Variants in C10orf143 observed in about 807,000 individuals in gnomAD.
C10orf143 encodes the protein chromosome 10 open reading frame 143.
chr10:130,075,089 G>GA (rs376065385), intron 3 of C10orf143, among the ~76,000 whole-genome samples: 26 of 146,354 alleles, frequency 1.8e-4, no homozygotes, highest in African/African-American at 3.5e-4. Context: ...TGCCCTCAAT[G>GA]AAAAAAAAAA....
intron 1 of C10orf143, among the ~76,000 whole-genome samples, chr10:130,099,813 G>A (rs367616543): frequency 1.1e-4 from 16 of 148,928 alleles, no homozygotes; most frequent in South Asian, 2.1e-4. Flanking sequence ...CAGCCACCAC[G>A]CTCAACCTAA....
chr10:130,103,270 C>T (rs566484794), intron 1 of C10orf143, among the ~76,000 whole-genome samples: 66 of 152,212 alleles, frequency 4.3e-4, no homozygotes, highest in Admixed American at 2.1e-3. Flanking sequence ...TGAGCTACCA[C>T]GCACAGCTGA....
At chr10:130,043,283 T>C (rs559311796) in intron 3 of C10orf143, among the ~76,000 whole-genome samples, 13 of 152,184 alleles carry the variant, frequency 8.5e-5, no homozygotes, top group Non-Finnish European at 1.9e-4. Flanking sequence ...AACATGCTGG[T>C]ATTCCTGGAA....
chr10:130,106,799 C>T (rs1429972185), intron 1 of C10orf143: 2 of 1,190,530 alleles, frequency 1.7e-6, no homozygotes, highest in Admixed American at 3.4e-5. Flanking sequence ...CTCCAAAGTA[C>T]ATGCAGAACA....
chr10:130,060,051 C>G (rs1040118871), downstream of C10orf143, among the ~76,000 whole-genome samples: 1 of 112,672 alleles, frequency 8.9e-6, no homozygotes, highest in South Asian at 2.4e-4. Context: ...AACAGTGGGA[C>G]CAGGTGGGAA....
At chr10:130,040,995 C>T (rs1036330387) in intron 3 of C10orf143, among the ~76,000 whole-genome samples, 3 of 152,090 alleles carry the variant, frequency 2.0e-5, no homozygotes, top group South Asian at 2.1e-4. Flanking sequence ...TTAGTGAGGG[C>T]CCCCGCCACC....
intron 1 of C10orf143, among the ~76,000 whole-genome samples, chr10:130,083,531 C>T (rs1861241003): frequency 1.3e-5 from 2 of 152,186 alleles, no homozygotes; most frequent in Non-Finnish European, 1.5e-5. Context: ...AACTATGGTA[C>T]ATCCAAGCAA....
At chr10:130,051,080 C>CA (rs1471107221) in intron 3 of C10orf143, among the ~76,000 whole-genome samples, 1 of 152,124 alleles carries the variant, frequency 6.6e-6, no homozygotes, top group Non-Finnish European at 1.5e-5. Context: ...TTGAAACACA[C>CA]AAAAAATGGA....
At chr10:130,067,800 C>T (rs955242181) in intron 3 of C10orf143, 2 of 152,348 alleles carry the variant, frequency 1.3e-5, no homozygotes, top group Non-Finnish European at 2.9e-5. Flanking sequence ...CATCTTCCTC[C>T]CTTCCTTCTT....
chr10:130,040,992 G>C (rs909271769), intron 3 of C10orf143, among the ~76,000 whole-genome samples: 2 of 152,116 alleles, frequency 1.3e-5, no homozygotes, highest in Non-Finnish European at 2.9e-5. Flanking sequence ...ATCTTAGTGA[G>C]GGCCCCCGCC....
chr10:130,062,458 C>G (rs1395092333), downstream of C10orf143, among the ~76,000 whole-genome samples: 6 of 152,152 alleles, frequency 3.9e-5, no homozygotes, highest in Admixed American at 3.9e-4. Context: ...TGTGGAAAGA[C>G]TAGACTGGCT....
intron 1 of C10orf143, chr10:130,107,694 C>T: frequency 7.8e-7 from 1 of 1,275,668 alleles, no homozygotes; most frequent in Non-Finnish European, 1.1e-6. Flanking sequence ...CCTTTGCCTC[C>T]AGGGGGGGAA....
At chr10:130,049,913 C>T (rs964377983) in intron 3 of C10orf143, among the ~76,000 whole-genome samples, 4 of 152,186 alleles carry the variant, frequency 2.6e-5, no homozygotes, top group Non-Finnish European at 5.9e-5. Flanking sequence ...GATGGTATTG[C>T]TACAGAATCA....
chr10:130,075,603 G>A (rs1861102574), intron 3 of C10orf143, among the ~76,000 whole-genome samples: 1 of 152,210 alleles, frequency 6.6e-6, no homozygotes, highest in African/African-American at 2.4e-5. Flanking sequence ...AAACGGGGGA[G>A]CTGATATGGT....
intron 1 of C10orf143, among the ~76,000 whole-genome samples, chr10:130,087,465 G>A (rs1372737011): frequency 3.3e-5 from 5 of 152,258 alleles, no homozygotes; most frequent in Admixed American, 6.5e-5. Context: ...AGAAATAGAC[G>A]CTGTTTCAAA....
intron 1 of C10orf143, among the ~76,000 whole-genome samples, chr10:130,098,257 A>C (rs1263145471): frequency 6.6e-6 from 1 of 151,848 alleles, no homozygotes; most frequent in Non-Finnish European, 1.5e-5. Flanking sequence ...CAGGAGGCGG[A>C]GGTTGCAGTG....
intron 3 of C10orf143, among the ~76,000 whole-genome samples, chr10:130,040,065 C>T (rs1234540986): frequency 1.3e-5 from 2 of 152,314 alleles, no homozygotes; most frequent in East Asian, 1.9e-4. Context: ...TTCTCCCTTT[C>T]CATGGGCTGA....
At chr10:130,101,877 A>AAAAAAAC (rs1861562011) in intron 1 of C10orf143, among the ~76,000 whole-genome samples, 3 of 148,490 alleles carry the variant, frequency 2.0e-5, no homozygotes, top group Non-Finnish European at 4.4e-5. Context: ...AAAAAAAAAA[A>AAAAAAAC]AAAAAAAACT....
rs1860694170 is a variant in C10orf143 at position 130,047,844 on chromosome 10, C to CT, written c.298-11875_298-11874insA. On this transcript the variant is annotated intron_variant and NMD_transcript_variant, in intron 3 of 5. Transcript: ENST00000643056. ...CATTTCCATAAAGACCCACTGGAAA[C>CT]ATTTTTTTTTTTCGGATTTATCACC... Among the ~76,000 whole-genome samples, 5 of 76,878 alleles carry CT rather than the reference C, an allele frequency of 6.5e-5. No homozygotes were observed. The South Asian group carries it at 1.0e-3, about 15-fold the overall frequency. The allele number at this position is 76,878 out of a possible 152,430, so 50.4% of individuals were successfully genotyped here.
Sources: gnomAD v4.1 joint callset for allele counts (sites outside exome capture counted in the v4.1 genomes callset) on GRCh38, gnomAD v4.1.1 for gene constraint, MANE v1.5 for transcripts, NCBI Gene and HGNC (gene_info 2026-07-23, HGNC 2026-07-21) for gene names.